Variants in MAGI1 observed in about 807,000 individuals in gnomAD.
MAGI1 encodes the protein membrane-associated guanylate kinase, WW and PDZ domain-containing protein 1.
Under a neutral mutation model 139.9 loss-of-function variants are expected in MAGI1, and 58 were observed. That is an observed-to-expected ratio of 0.41 (90% CI 0.34 to 0.52). MAGI1 has a LOEUF of 0.52. Among genes scored for constraint, MAGI1 ranks in the 20% least tolerant of loss-of-function variants. The pLI is 0.12. For missense variants in MAGI1, 1,874 were observed against 1,901.6 expected (o/e 0.99, Z 0.27); for synonymous variants, 812 against 737.9 (o/e 1.10, Z -1.63).
intron 1 of MAGI1, among the ~76,000 whole-genome samples, chr3:65,969,347 T>G (rs1315942765): frequency 2.6e-5 from 4 of 152,186 alleles, no homozygotes; most frequent in African/African-American, 9.7e-5. Flanking sequence ...GGTTCTGTGT[T>G]AGGGGCTGGG....
At chr3:65,527,708 G>C (rs948194686) in intron 2 of MAGI1, among the ~76,000 whole-genome samples, 1 of 152,052 alleles carries the variant, frequency 6.6e-6, no homozygotes. Context: ...CTGGGCAACA[G>C]AGCGAGACTC....
intron 2 of MAGI1, among the ~76,000 whole-genome samples, chr3:65,500,995 T>C (rs1002859549): frequency 3.9e-5 from 6 of 152,224 alleles, no homozygotes; most frequent in Admixed American, 6.5e-5. Flanking sequence ...CTTTAGCTGA[T>C]AGAGCTAGAG....
rs1011141997 is a variant in MAGI1 at position 65,928,269 on chromosome 3, G to A, written c.313+109727C>T. 2.0e-4 allele frequency among the ~76,000 whole-genome samples: 30 copies of A among 152,246 alleles called. No homozygotes were observed. The Middle Eastern group carries it at 0.01, about 52-fold the overall frequency. ...TGGTCACTTAATACTGGCCGTGGAG[G>A]GAGCATTTATACAAAGGAAATTGGC... On this transcript the variant is annotated intron_variant, in intron 1 of 22. Coordinates refer to ENST00000402939, the MANE Select transcript of MAGI1 (RefSeq NM_001033057.2).
intron 1 of MAGI1, chr3:65,925,070 C>G (rs1420017458): frequency 6.6e-6 from 1 of 152,176 alleles, no homozygotes; most frequent in East Asian, 1.9e-4. Context: ...TCCTGTAGAG[C>G]TCACCATGGG....
intron 1 of MAGI1, among the ~76,000 whole-genome samples, chr3:65,922,195 A>G (rs1180187547): frequency 6.6e-6 from 1 of 152,160 alleles, no homozygotes; most frequent in African/African-American, 2.4e-5. Context: ...ACAAAAATAC[A>G]GCAGAGACTA....
At chr3:65,719,411 GA>G (rs1320579821) in intron 1 of MAGI1, among the ~76,000 whole-genome samples, 8 of 151,602 alleles carry the variant, frequency 5.3e-5, no homozygotes, top group East Asian at 1.9e-4. Flanking sequence ...TATTATGTAT[GA>G]TTTTTTTAAC....
intron 6 of MAGI1, among the ~76,000 whole-genome samples, chr3:65,449,265 A>G (rs977376658): frequency 1.3e-5 from 2 of 152,128 alleles, no homozygotes; most frequent in Admixed American, 6.6e-5. Flanking sequence ...CTAGAACTTA[A>G]AGTATAATAA....
intron 1 of MAGI1, among the ~76,000 whole-genome samples, chr3:65,861,859 T>C (rs776718393): frequency 3.9e-5 from 6 of 152,322 alleles, no homozygotes; most frequent in East Asian, 1.9e-4. Context: ...AAAACCCTTA[T>C]AAAGCAACTT....
chr3:66,032,223 T>G (rs200559781), intron 1 of MAGI1, among the ~76,000 whole-genome samples: 1 of 39,352 alleles, frequency 2.5e-5, no homozygotes, highest in Non-Finnish European at 6.8e-5. Flanking sequence ...TTGCTGGGTC[T>G]TTTTTTTGAG....
chr3:65,425,652 T>C (rs1384287500), intron 12 of MAGI1, among the ~76,000 whole-genome samples: 1 of 152,188 alleles, frequency 6.6e-6, no homozygotes, highest in Non-Finnish European at 1.5e-5. Context: ...TTTTAATACA[T>C]GCCTTCTCTC....
chr3:65,903,100 C>A (rs2061304316), intron 1 of MAGI1, among the ~76,000 whole-genome samples: 1 of 152,210 alleles, frequency 6.6e-6, no homozygotes, highest in African/African-American at 2.4e-5. Context: ...GCAATCCCCC[C>A]ACCTCAGCCT....
intron 6 of MAGI1, among the ~76,000 whole-genome samples, chr3:65,448,468 T>C (rs1191348982): frequency 6.6e-6 from 1 of 152,178 alleles, no homozygotes; most frequent in Non-Finnish European, 1.5e-5. Context: ...GAGGCAATTA[T>C]ACTCACAATT....
chr3:65,451,475 T>C (rs368155964), intron 6 of MAGI1, among the ~76,000 whole-genome samples: 8 of 152,336 alleles, frequency 5.3e-5, no homozygotes, highest in African/African-American at 1.4e-4. Context: ...ATGGTTAGAA[T>C]CAAAAGGGTT....
At chr3:65,739,780 C>T (rs1396589988) in intron 1 of MAGI1, among the ~76,000 whole-genome samples, 1 of 152,124 alleles carries the variant, frequency 6.6e-6, no homozygotes, top group Non-Finnish European at 1.5e-5. Context: ...ATTAAGTTTG[C>T]CATCTTATAT....
chr3:65,693,120 A>C (rs780030492), intron 1 of MAGI1, among the ~76,000 whole-genome samples: 1 of 152,066 alleles, frequency 6.6e-6, no homozygotes, highest in Non-Finnish European at 1.5e-5. Flanking sequence ...TTTTAAAAAA[A>C]TTTTTATACA....
chr3:65,608,998 T>C (rs915182732), intron 2 of MAGI1, among the ~76,000 whole-genome samples: 2 of 152,270 alleles, frequency 1.3e-5, no homozygotes, highest in East Asian at 1.9e-4. Context: ...GAAGAATACA[T>C]ACTTTATCAT....
In MAGI1 at chr3:65,857,437, T is replaced by C. The variant is rs376635505; in HGVS notation, c.313+180559A>G. 1.4e-4 allele frequency among the ~76,000 whole-genome samples: 21 copies of C among 152,354 alleles called. No homozygotes were observed. In the South Asian group the frequency reaches 4.3e-3, roughly 32 times the overall value. On this transcript the variant is annotated intron_variant, in intron 1 of 22. Transcript: ENST00000402939. ...GAAGACTTTCTTAGCTATTCTCTAA[T>C]TTACAACTGCTAATCTTTGCATTAC... is the stretch of plus-strand genomic sequence containing the variant.
At chr3:65,432,460 T>A (rs1947529588) in intron 10 of MAGI1, among the ~76,000 whole-genome samples, 2 of 152,178 alleles carry the variant, frequency 1.3e-5, no homozygotes, top group African/African-American at 4.8e-5. Context: ...ATGCATACAA[T>A]TTTTAATTGC....
At chr3:65,937,849 C>T (rs2063138904) in intron 1 of MAGI1, among the ~76,000 whole-genome samples, 1 of 152,106 alleles carries the variant, frequency 6.6e-6, no homozygotes, top group Middle Eastern at 3.4e-3. Context: ...TAGATGATTA[C>T]TCCAGCCCAA....
Sources: allele counts gnomAD v4.1 joint callset (sites outside exome capture counted in the v4.1 genomes callset), GRCh38; gene constraint gnomAD v4.1.1; transcripts MANE v1.5; gene names NCBI Gene and HGNC (gene_info 2026-07-23, HGNC 2026-07-21).